ASIC2: variants seen among roughly 807,000 people sequenced by gnomAD.
ASIC2 encodes acid sensing ion channel subunit 2.
In ASIC2, 25 loss-of-function variants were observed where a neutral mutation model predicts 57.3. That is an observed-to-expected ratio of 0.44 (90% CI 0.32 to 0.61). The LOEUF (loss-of-function observed/expected upper bound fraction) is 0.61. ASIC2 is among the 20% of genes least tolerant of loss of function. The pLI is 0.06. For synonymous variants in ASIC2, 319 were observed against 307.5 expected (o/e 1.04, Z -0.39); for missense variants, 641 against 738.1 (o/e 0.87, Z 1.52).
At chr17:33,295,405 A>G (rs1434526970), upstream of ASIC2, among the ~76,000 whole-genome samples, 2 of 152,214 alleles carry the variant, frequency 1.3e-5, no homozygotes, top group East Asian at 1.9e-4. Context: ...TGCAACTTGA[A>G]ATACTCCCAC....
At chr17:33,868,774 T>A (rs1914312451) in intron 1 of ASIC2, among the ~76,000 whole-genome samples, 1 of 152,062 alleles carries the variant, frequency 6.6e-6, no homozygotes, top group Admixed American at 6.6e-5. Context: ...AATAAAAATG[T>A]ACAAAGGGGC....
At chr17:33,995,166 G>C (rs956772032) in intron 1 of ASIC2, among the ~76,000 whole-genome samples, 28 of 152,254 alleles carry the variant, frequency 1.8e-4, no homozygotes, top group Middle Eastern at 6.8e-3. Context: ...GCTCCCACTG[G>C]AGCTGTGAAG....
intron 1 of ASIC2, among the ~76,000 whole-genome samples, chr17:34,066,774 G>T (rs1909187631): frequency 6.6e-6 from 1 of 152,280 alleles, no homozygotes; most frequent in African/African-American, 2.4e-5. Flanking sequence ...AAAGTGGACT[G>T]CTTTGGGTGG....
At chr17:33,904,017 G>A (rs1971998) in intron 1 of ASIC2, among the ~76,000 whole-genome samples, 14,088 of 151,704 alleles carry the variant, frequency 0.093, 1,243 homozygotes, top group East Asian at 0.29. Flanking sequence ...TACAAAATTA[G>A]CTGGGTGTGG....
chr17:33,111,591 T>G (rs912129003), intron 2 of ASIC2, among the ~76,000 whole-genome samples: 1 of 152,064 alleles, frequency 6.6e-6, no homozygotes, highest in Non-Finnish European at 1.5e-5. Flanking sequence ...GGCTGATCCA[T>G]CCTTCCCGCC....
At chr17:33,822,899 TC>T (rs1254569894) in intron 1 of ASIC2, among the ~76,000 whole-genome samples, 1 of 152,228 alleles carries the variant, frequency 6.6e-6, no homozygotes, top group Admixed American at 6.5e-5. Context: ...GAAAGCTTGA[TC>T]ATAAATTTAG....
At chr17:33,249,158 G>A (rs1194918522) in intron 1 of ASIC2, among the ~76,000 whole-genome samples, 2 of 152,130 alleles carry the variant, frequency 1.3e-5, no homozygotes, top group Non-Finnish European at 2.9e-5. Flanking sequence ...GGTGAAGACT[G>A]GCCACAAGAT....
chr17:33,279,756 G>A (rs1020169481), intron 1 of ASIC2, among the ~76,000 whole-genome samples: 19 of 152,048 alleles, frequency 1.2e-4, no homozygotes, highest in African/African-American at 2.7e-4. Flanking sequence ...TTGTGGTGGC[G>A]TGCATTGAAT....
chr17:33,983,537 C>T (rs373875280), intron 1 of ASIC2, among the ~76,000 whole-genome samples: 27 of 152,244 alleles, frequency 1.8e-4, no homozygotes, highest in African/African-American at 6.0e-4. Context: ...GTGTCTAGAA[C>T]GTGTCACTGA....
intron 1 of ASIC2, among the ~76,000 whole-genome samples, chr17:33,727,856 T>C (rs1909614632): frequency 6.6e-6 from 1 of 152,262 alleles, no homozygotes; most frequent in African/African-American, 2.4e-5. Context: ...TTCTTCAAGA[T>C]AAGGTACATG....
chr17:33,570,033 TTTGTTGC>T (rs1916380373), intron 1 of ASIC2, among the ~76,000 whole-genome samples: 1 of 152,110 alleles, frequency 6.6e-6, no homozygotes, highest in Non-Finnish European at 1.5e-5. Flanking sequence ...CCACCTCTTG[TTTGTTGC>T]AGTCCAACTC....
intron 1 of ASIC2, among the ~76,000 whole-genome samples, chr17:33,545,675 A>G (rs1915555075): frequency 1.3e-5 from 2 of 151,972 alleles, no homozygotes; most frequent in East Asian, 3.9e-4. Flanking sequence ...CACTTCTCTA[A>G]TTGCCTTCTA....
At chr17:34,041,237 T>C (rs1908120255) in intron 1 of ASIC2, 2 of 152,176 alleles carry the variant, frequency 1.3e-5, no homozygotes, top group African/African-American at 4.8e-5. Flanking sequence ...ACATTACCGA[T>C]GTGACTACTG....
At chr17:33,973,331 T>C (rs1009700373) in intron 1 of ASIC2, among the ~76,000 whole-genome samples, 2 of 152,194 alleles carry the variant, frequency 1.3e-5, no homozygotes, top group Non-Finnish European at 2.9e-5. Context: ...AGAGGGGCTG[T>C]GGTTCCTAGC....
intron 1 of ASIC2, among the ~76,000 whole-genome samples, chr17:33,542,895 C>T (rs189935667): frequency 5.9e-5 from 9 of 151,782 alleles, no homozygotes; most frequent in Admixed American, 5.9e-4. Flanking sequence ...ACGTTTAAAT[C>T]TTTAATCCAT....
At chr17:33,319,474 T>C (rs552740611) in intron 1 of ASIC2, among the ~76,000 whole-genome samples, 4 of 152,314 alleles carry the variant, frequency 2.6e-5, no homozygotes, top group Non-Finnish European at 5.9e-5. Flanking sequence ...CATGTGGGAT[T>C]CAGACCACCC....
chr17:33,496,915 G>T (rs1361017615), intron 1 of ASIC2, among the ~76,000 whole-genome samples: 1 of 152,152 alleles, frequency 6.6e-6, no homozygotes, highest in African/African-American at 2.4e-5. Context: ...ACCATGCCTG[G>T]CCTATTTTAG....
In ASIC2 at chr17:33,365,840, T is replaced by C. The variant is rs575935797; in HGVS notation, c.556-253773A>G. ...GTCAGAATAGGAAGAAAAAAGTCTA[T>C]TTATTTAAAGTTTAATTATAGCTGA... On this transcript the variant is annotated intron_variant, in intron 1 of 9. Transcript: ENST00000359872. Among the ~76,000 whole-genome samples, 129 of 152,304 alleles carry C rather than the reference T, an allele frequency of 8.5e-4. 2 individuals are homozygous for C. The highest frequency in any genetic ancestry group is 3.0e-3 in the African/African-American group (126 of 41,570).
intron 1 of ASIC2, among the ~76,000 whole-genome samples, chr17:34,147,349 A>G (rs76648812): frequency 0.01 from 1,565 of 152,344 alleles, 23 homozygotes; most frequent in African/African-American, 0.036. Context: ...TTATATGCTT[A>G]ATTTCTTCTG....
Sources: allele counts gnomAD v4.1 joint callset (sites outside exome capture counted in the v4.1 genomes callset), GRCh38; gene constraint gnomAD v4.1.1; transcripts MANE v1.5; gene names NCBI Gene and HGNC (gene_info 2026-07-23, HGNC 2026-07-21).